Variants in AGAP5 observed in about 807,000 individuals in gnomAD.
AGAP5 encodes the protein ArfGAP with GTPase domain, ankyrin repeat and PH domain 5, also known as arf-GAP with GTPase, ANK repeat and PH domain-containing protein 5.
In AGAP5, 8 loss-of-function variants were observed where a neutral mutation model predicts 27.7. The ratio of observed to expected loss-of-function variants is 0.29; its 90% CI spans 0.17 to 0.52. The LOEUF is 0.52. AGAP5 is among the 20% of genes least tolerant of loss of function. The pLI, the probability that AGAP5 is intolerant of heterozygous loss-of-function variation, is 0.97. For missense variants in AGAP5, 285 were observed against 880.8 expected (o/e 0.32, Z 8.56); for synonymous variants, 111 against 338.0 (o/e 0.33, Z 7.37).
intron 4 of AGAP5, among the ~76,000 whole-genome samples, chr10:73,689,662 C>T (rs1245380888): frequency 7.3e-5 from 11 of 151,566 alleles, no homozygotes; most frequent in African/African-American, 9.7e-5. Flanking sequence ...ATGTGAGGAG[C>T]GTCTCTGCCC....
At chr10:73,686,349 C>T (rs1182024544) in intron 4 of AGAP5, among the ~76,000 whole-genome samples, 1 of 152,112 alleles carries the variant, frequency 6.6e-6, no homozygotes, top group Non-Finnish European at 1.5e-5. Context: ...AATTGGCAAG[C>T]CACATGCGGG....
chr10:73,677,376 CTTTTTTT>C (rs3998276), intron 6 of AGAP5, among the ~76,000 whole-genome samples: 1 of 32,464 alleles, frequency 3.1e-5, no homozygotes, highest in African/African-American at 1.1e-4. Flanking sequence ...CATAACTGTT[CTTTTTTT>C]TTTTTTTTTT....
chr10:73,686,056 T>A (rs548250405), intron 4 of AGAP5, among the ~76,000 whole-genome samples: 1 of 152,146 alleles, frequency 6.6e-6, no homozygotes, highest in East Asian at 1.9e-4. Flanking sequence ...GAAAAAACAA[T>A]CCTGAAATTT....
chr10:73,689,521 G>A (rs2082096189), intron 4 of AGAP5, among the ~76,000 whole-genome samples: 1 of 150,698 alleles, frequency 6.6e-6, no homozygotes, highest in East Asian at 2.0e-4. Context: ...CTGCCCGGCC[G>A]CCATCCCAAC....
chr10:73,677,905 A>G (rs1251571042), intron 6 of AGAP5, among the ~76,000 whole-genome samples: 3 of 152,362 alleles, frequency 2.0e-5, no homozygotes, highest in South Asian at 2.1e-4. Flanking sequence ...GGTAAAAAAC[A>G]TAGCCTGAAT....
At chr10:73,678,113 C>T (rs1439986606) in intron 6 of AGAP5, among the ~76,000 whole-genome samples, 7 of 151,320 alleles carry the variant, frequency 4.6e-5, no homozygotes, top group African/African-American at 1.5e-4. Flanking sequence ...ACTGGGCCAG[C>T]GCAGTGGCTC....
At chr10:73,685,345 C>T (rs1294798448) in intron 4 of AGAP5, among the ~76,000 whole-genome samples, 1 of 148,952 alleles carries the variant, frequency 6.7e-6, no homozygotes, top group African/African-American at 2.5e-5. Flanking sequence ...TTACATTGAG[C>T]TATGACCCTT....
chr10:73,687,197 T>C (rs2082072049), intron 4 of AGAP5, among the ~76,000 whole-genome samples: 1 of 152,274 alleles, frequency 6.6e-6, no homozygotes, highest in African/African-American at 2.4e-5. Flanking sequence ...CTAAAGTTTA[T>C]ATTTTTCACT....
chr10:73,690,288 C>A (rs1290810684), intron 4 of AGAP5, among the ~76,000 whole-genome samples: 1 of 152,210 alleles, frequency 6.6e-6, no homozygotes, highest in Non-Finnish European at 1.5e-5. Flanking sequence ...CCTTGGGATC[C>A]TGTTGATCTG....
rs2081958960 is a variant in AGAP5, at chr10:73,674,500, A to C, written c.*99T>G. 1 of 1,591,090 alleles carries C rather than the reference A, an allele frequency of 6.3e-7. No individual in the cohort carries two copies. The highest frequency in any genetic ancestry group is 1.3e-5 in the African/African-American group (1 of 74,442). On this transcript the variant is annotated 3_prime_UTR_variant, in exon 8 of 8. Transcript: ENST00000374094. Reference sequence around the variant, plus strand: ...TATGAAAAGTACTGAAAATGCTATTACTAGCTGAATTTGTGATTTCCTTTT... The same window carrying C: ...TATGAAAAGTACTGAAAATGCTATTCCTAGCTGAATTTGTGATTTCCTTTT...
chr10:73,682,424 C>T (rs1364827424), intron 5 of AGAP5: 1 of 785,476 alleles, frequency 1.3e-6, no homozygotes, highest in African/African-American at 1.9e-5. Context: ...ATAAAGGGAA[C>T]CTATCCTTCT....
rs569892093 is a variant in AGAP5, at chr10:73,697,231, C to T, written c.224-68G>A. 72 of 1,583,798 alleles carry T rather than the reference C, an allele frequency of 4.5e-5. No homozygotes were observed. In the African/African-American group the frequency reaches 7.8e-4, roughly 17 times the overall value. On this transcript the variant is annotated intron_variant, in intron 1 of 7. Transcript: ENST00000374094. Reference sequence around the variant, plus strand: ...ATAAAAATTTATCAACTCATTTATTCAACTGCTGCTTATTTGACAAGAGCC... The same window carrying T: ...ATAAAAATTTATCAACTCATTTATTTAACTGCTGCTTATTTGACAAGAGCC...
intron 6 of AGAP5, among the ~76,000 whole-genome samples, chr10:73,679,388 T>G (rs1002117938): frequency 2.0e-5 from 3 of 151,800 alleles, no homozygotes; most frequent in African/African-American, 7.3e-5. Context: ...GGTCTCGATC[T>G]CCTGACCTTG....
Position 73,694,665 on chromosome 10 carries a change from A to G in AGAP5, c.361+71T>C, listed in dbSNP as rs2132462002. ...TTTAAACCAATATGAGTTTTTCTAA[A>G]TACTTTCTATAACCTGATCAAACAA... On this transcript the variant is annotated intron_variant, in intron 3 of 7. Transcript: ENST00000374094. 1.3e-5 allele frequency: 20 copies of G among 1,591,796 alleles called. No homozygotes were observed. The South Asian group carries it at 2.2e-4, about 18-fold the overall frequency.
intron 4 of AGAP5, among the ~76,000 whole-genome samples, chr10:73,687,272 C>T (rs1450503918): frequency 5.3e-5 from 8 of 151,840 alleles, no homozygotes; most frequent in Non-Finnish European, 8.8e-5. Context: ...TTCCTTTTTC[C>T]GAGACAGGGT....
intron 4 of AGAP5, among the ~76,000 whole-genome samples, chr10:73,689,414 C>A (rs1168934852): frequency 6.7e-6 from 1 of 149,294 alleles, no homozygotes; most frequent in Admixed American, 6.8e-5. Flanking sequence ...GCCACCCCGT[C>A]TGGGAAGTGA....
Position 73,697,658 on chromosome 10 carries a change from T to C in AGAP5, c.98A>G (p.Glu33Gly), listed in dbSNP as rs1331876054. 6.2e-7 allele frequency: 1 copy of C among 1,601,748 alleles called. No individual in the cohort carries two copies. The highest frequency in any genetic ancestry group is 1.7e-5 in the Admixed American group (1 of 59,998). The change falls in exon 1 of 8, where the codon GAG (glutamate) becomes GGG (glycine). Residue 33 changes from glutamate (E) to glycine (G), a missense_variant. Physicochemically the swap from Glu to Gly is moderately conservative, Grantham distance 98. Coordinates refer to ENST00000374094, the MANE Select transcript of AGAP5 (RefSeq NM_001144000.4). Reference protein sequence around the residue: ...SVCPSESEIYEAGAGDRMAGA... With the variant: ...SVCPSESEIYGAGAGDRMAGA... ...TGCCATCCTGTCCCCAGCTCCTGCC[T>C]CATAGATCTCAGATTCAGAGGGACA...
chr10:73,677,273 T>G (rs532126924), intron 6 of AGAP5, among the ~76,000 whole-genome samples: 10 of 151,412 alleles, frequency 6.6e-5, no homozygotes, highest in Admixed American at 1.3e-4. Flanking sequence ...GTAAAACTAA[T>G]GCATTGTGCC....
intron 5 of AGAP5, chr10:73,681,463 C>T (rs2082024427): frequency 1.0e-6 from 1 of 984,874 alleles, no homozygotes; most frequent in Admixed American, 6.1e-5. Context: ...CAGTGCACTA[C>T]TGATTCATGA....
Sources: gnomAD v4.1 joint callset for allele counts (sites outside exome capture counted in the v4.1 genomes callset) on GRCh38, gnomAD v4.1.1 for gene constraint, MANE v1.5 for transcripts, NCBI Gene and HGNC (gene_info 2026-07-23, HGNC 2026-07-21) for gene names.